The following UNC13C variants were observed in gnomAD, a reference collection of about 807,000 sequenced individuals.
UNC13C encodes protein unc-13 homolog C.
UNC13C carries 174 observed loss-of-function variants against 245.4 expected under a neutral mutation model. That is an observed-to-expected ratio of 0.71 (90% CI 0.63 to 0.80). The LOEUF is 0.80. Ranked by LOEUF, UNC13C falls within the 30% of genes least tolerant of loss-of-function variation. UNC13C has a pLI of 0.00. For missense variants in UNC13C, 2,829 were observed against 2,602.9 expected (o/e 1.09, Z -1.89); for synonymous variants, 992 against 895.1 (o/e 1.11, Z -1.93).
intron 4 of UNC13C, among the ~76,000 whole-genome samples, chr15:54,191,239 C>A (rs950352676): frequency 6.6e-6 from 1 of 152,070 alleles, no homozygotes; most frequent in Non-Finnish European, 1.5e-5. Flanking sequence ...TGTGATGTTC[C>A]CCTCTGTGTG....
intron 30 of UNC13C, among the ~76,000 whole-genome samples, chr15:54,594,218 C>T (rs1596637116): frequency 6.6e-6 from 1 of 152,264 alleles, no homozygotes; most frequent in Middle Eastern, 3.4e-3. Flanking sequence ...GCGCCTGTTC[C>T]AGTGGAGGTG....
In UNC13C at chr15:54,346,832, A is replaced by G. The variant is rs141958793; in HGVS notation, c.4713+8343A>G. On this transcript the variant is annotated intron_variant, in intron 17 of 32. Transcript: ENST00000260323. ...CACAAAAGATCAATCTATAAACTGG[A>G]TAGATATCTATCCAGCAGATACCTA... is the stretch of plus-strand genomic sequence containing the variant. Among the ~76,000 whole-genome samples, 1,099 of 152,338 alleles carry G rather than the reference A, an allele frequency of 7.2e-3. 15 individuals carry two copies. Among genetic ancestry groups the G allele is most frequent in the African/African-American group, 0.025 (1,033 of 41,562 alleles).
chr15:53,851,061 ATTAT>A, the UNC13C span, among the ~76,000 whole-genome samples: 4 of 151,668 alleles, frequency 2.6e-5, no homozygotes, highest in Non-Finnish European at 4.4e-5. Context: ...TATTTCTCTT[ATTAT>A]TTAAATTTTT....
At chr15:54,328,860 A>T (rs1230353916) in intron 14 of UNC13C, among the ~76,000 whole-genome samples, 2 of 152,270 alleles carry the variant, frequency 1.3e-5, no homozygotes, top group East Asian at 3.9e-4. Context: ...GTGAAACATT[A>T]AAACTATCTA....
At chr15:54,298,043 G>A in intron 12 of UNC13C, 117 bp downstream of exon 12, 1 of 714,052 alleles carries the variant, frequency 1.4e-6, no homozygotes, top group South Asian at 1.9e-5. Context: ...CTGGAGTTCT[G>A]ACTCTATACT....
At chr15:54,527,025 A>C (rs145271064) in intron 25 of UNC13C, among the ~76,000 whole-genome samples, 25 of 152,254 alleles carry the variant, frequency 1.6e-4, no homozygotes, top group African/African-American at 6.0e-4. Context: ...CCTTGTCTTC[A>C]TGGAACTCAC....
intron 17 of UNC13C, among the ~76,000 whole-genome samples, chr15:54,372,218 AT>A (rs2039501932): frequency 6.6e-6 from 1 of 152,112 alleles, no homozygotes; most frequent in Non-Finnish European, 1.5e-5. Flanking sequence ...AATGCATACA[AT>A]TTTTACTTGT....
At chr15:54,619,950 G>T (rs1900690127) in intron 30 of UNC13C, among the ~76,000 whole-genome samples, 1 of 152,092 alleles carries the variant, frequency 6.6e-6, no homozygotes, top group Non-Finnish European at 1.5e-5. Flanking sequence ...TAAATAGCAT[G>T]ACTATTAAGC....
At chr15:54,319,293 G>GAA (rs755621890) in intron 13 of UNC13C, among the ~76,000 whole-genome samples, 1 of 109,952 alleles carries the variant, frequency 9.1e-6, no homozygotes, top group African/African-American at 3.4e-5. Context: ...GTGAATTGTT[G>GAA]AAAAAAAAAA....
intron 2 of UNC13C, among the ~76,000 whole-genome samples, chr15:54,125,272 G>C (rs1180899207): frequency 1.3e-5 from 2 of 152,116 alleles, no homozygotes; most frequent in Non-Finnish European, 2.9e-5. Context: ...GACCAGCCTG[G>C]TCAACATAGT....
At chr15:54,035,842 A>G (rs1896557238) in intron 2 of UNC13C, among the ~76,000 whole-genome samples, 1 of 152,040 alleles carries the variant, frequency 6.6e-6, no homozygotes, top group African/African-American at 2.4e-5. Flanking sequence ...CAAGGTGGGG[A>G]GGTATTGCAA....
the UNC13C span, among the ~76,000 whole-genome samples, chr15:53,908,406 A>G: frequency 6.8e-6 from 1 of 146,316 alleles, no homozygotes; most frequent in Non-Finnish European, 1.5e-5. Flanking sequence ...CACACACAAA[A>G]ATGAAATGGT....
At chr15:54,548,339 A>G (rs1272826467) in intron 27 of UNC13C, among the ~76,000 whole-genome samples, 1 of 147,660 alleles carries the variant, frequency 6.8e-6, no homozygotes, top group African/African-American at 2.5e-5. Flanking sequence ...CTCCTGCCTC[A>G]GCCTCCCAAG....
the UNC13C span, among the ~76,000 whole-genome samples, chr15:53,876,110 T>C: frequency 6.6e-6 from 1 of 152,224 alleles, no homozygotes; most frequent in Non-Finnish European, 1.5e-5. Context: ...TTTTCTAGTG[T>C]GACAAACATT....
chr15:53,895,604 T>C, the UNC13C span, among the ~76,000 whole-genome samples: 1 of 152,176 alleles, frequency 6.6e-6, no homozygotes, highest in Non-Finnish European at 1.5e-5. Flanking sequence ...TACAAATCCC[T>C]TGTAGACAAG....
intron 19 of UNC13C, among the ~76,000 whole-genome samples, chr15:54,420,691 T>C (rs777886961): frequency 1.1e-4 from 17 of 151,964 alleles, no homozygotes; most frequent in Admixed American, 2.6e-4. Flanking sequence ...AAAACCATTT[T>C]TTTTCCCTTC....
the UNC13C span, chr15:53,947,919 A>G: frequency 3.3e-5 from 5 of 152,372 alleles, no homozygotes; most frequent in East Asian, 9.6e-4. Flanking sequence ...TCAGAAACAT[A>G]TCATGATACA....
At chr15:54,110,513 A>G in intron 2 of UNC13C, among the ~76,000 whole-genome samples, 1 of 152,218 alleles carries the variant, frequency 6.6e-6, no homozygotes, top group Non-Finnish European at 1.5e-5. Flanking sequence ...AGACTTGTGG[A>G]AAAATATTAC....
chr15:54,500,669 C>G (rs1894167201), intron 21 of UNC13C, among the ~76,000 whole-genome samples, 166 bp from the exon 22 acceptor site: 1 of 152,140 alleles, frequency 6.6e-6, no homozygotes, highest in Non-Finnish European at 1.5e-5. Flanking sequence ...TTCCACCACA[C>G]TTTCAAGAAA....
Sources: gnomAD v4.1 joint callset for allele counts (sites outside exome capture counted in the v4.1 genomes callset) on GRCh38, gnomAD v4.1.1 for gene constraint, MANE v1.5 for transcripts, NCBI Gene and HGNC (gene_info 2026-07-23, HGNC 2026-07-21) for gene names.